CSMD1: variants seen among roughly 807,000 people sequenced by gnomAD.
CSMD1 encodes CUB and sushi domain-containing protein 1.
CSMD1 carries 213 observed loss-of-function variants against 417.5 expected under a neutral mutation model. That is an observed-to-expected ratio of 0.51 (90% CI 0.46 to 0.57). CSMD1 has a LOEUF of 0.57. Ranked by LOEUF, CSMD1 falls within the 20% of genes least tolerant of loss-of-function variation. The probability of loss-of-function intolerance (pLI) is 0.00; values close to 1 mark genes in which losing one functional copy is unlikely to be tolerated. For synonymous variants in CSMD1, 2,862 were observed against 1,736.8 expected (o/e 1.65, Z -16.11); for missense variants, 6,923 against 4,529.7 (o/e 1.53, Z -15.17).
intron 5 of CSMD1, among the ~76,000 whole-genome samples, chr8:3,766,125 C>A (rs1584963799): frequency 6.6e-6 from 1 of 152,158 alleles, no homozygotes; most frequent in African/African-American, 2.4e-5. Context: ...AGTCGAGAGA[C>A]AGTGGCCCTG....
At chr8:4,078,598 T>C (rs1799954875) in intron 3 of CSMD1, among the ~76,000 whole-genome samples, 1 of 150,378 alleles carries the variant, frequency 6.6e-6, no homozygotes, top group Non-Finnish European at 1.5e-5. Context: ...ATCTTCGTTA[T>C]GAAATATAAT....
intron 41 of CSMD1, among the ~76,000 whole-genome samples, chr8:3,122,755 C>T (rs1015007223): frequency 1.4e-5 from 2 of 138,020 alleles, no homozygotes; most frequent in African/African-American, 7.0e-5. Flanking sequence ...GCTCCCCCGA[C>T]CCCAGCCATG....
chr8:3,411,778 A>G (rs1780099820), intron 12 of CSMD1, among the ~76,000 whole-genome samples: 1 of 128,714 alleles, frequency 7.8e-6, no homozygotes, highest in Non-Finnish European at 1.6e-5. Context: ...ACGTGTGTAT[A>G]TACCTGTATA....
chr8:3,877,600 C>A (rs1481301518), intron 5 of CSMD1, among the ~76,000 whole-genome samples: 1 of 152,154 alleles, frequency 6.6e-6, no homozygotes, highest in African/African-American at 2.4e-5. Flanking sequence ...GATCTAACAA[C>A]CAGAATCCAC....
At position 4,052,549 on chromosome 8, in the gene CSMD1, T is replaced by C. The variant is rs184521042; in HGVS notation, c.416-20450A>G. Among the ~76,000 whole-genome samples, 443 of 152,196 alleles carry C rather than the reference T, an allele frequency of 2.9e-3. 2 individuals carry two copies. The highest frequency in any genetic ancestry group is 0.01 in the African/African-American group (425 of 41,518). On this transcript the variant is annotated intron_variant, in intron 3 of 69. Coordinates refer to ENST00000635120, the MANE Select transcript of CSMD1 (RefSeq NM_033225.6). ...TTGCTAGAACGTCAATGCACCAAAT[T>C]TGAGGAAGCAAGCTGAGAAAATCAC...
intron 11 of CSMD1, among the ~76,000 whole-genome samples, chr8:3,492,752 T>G (rs1005652178): frequency 1.3e-5 from 2 of 152,176 alleles, no homozygotes; most frequent in African/African-American, 4.8e-5. Flanking sequence ...TCTGCAAATA[T>G]TCACAGCAAG....
intron 1 of CSMD1, among the ~76,000 whole-genome samples, chr8:4,798,739 A>T (rs1798118551): frequency 6.6e-6 from 1 of 152,242 alleles, no homozygotes; most frequent in South Asian, 2.1e-4. Flanking sequence ...ACATTTATTA[A>T]TAGGTATGTA....
chr8:4,281,212 G>A (rs959717102), intron 3 of CSMD1, among the ~76,000 whole-genome samples: 4 of 152,122 alleles, frequency 2.6e-5, no homozygotes, highest in African/African-American at 7.2e-5. Flanking sequence ...TATAAAAGTG[G>A]AAAATACTTT....
chr8:3,692,523 C>A (rs1482553609), intron 7 of CSMD1, among the ~76,000 whole-genome samples: 1 of 151,936 alleles, frequency 6.6e-6, no homozygotes, highest in African/African-American at 2.4e-5. Context: ...CTCACTACAA[C>A]CTTCACATCC....
intron 3 of CSMD1, among the ~76,000 whole-genome samples, chr8:4,083,698 G>A (rs1482212135): frequency 6.6e-6 from 1 of 152,082 alleles, no homozygotes; most frequent in Non-Finnish European, 1.5e-5. Flanking sequence ...ATTCAAGATG[G>A]ATTAAAGACT....
chr8:4,748,159 A>T (rs1214022458), intron 1 of CSMD1, among the ~76,000 whole-genome samples: 1 of 152,204 alleles, frequency 6.6e-6, no homozygotes. Context: ...AACCCACAAC[A>T]TGTTTCTACT....
intron 3 of CSMD1, among the ~76,000 whole-genome samples, chr8:4,255,251 C>G (rs151107029): frequency 5.9e-5 from 9 of 152,198 alleles, no homozygotes; most frequent in African/African-American, 2.2e-4. Flanking sequence ...AAAATTTTAT[C>G]CAGTGAATAT....
chr8:3,968,365 T>A (rs898962216), intron 5 of CSMD1, among the ~76,000 whole-genome samples: 1 of 152,146 alleles, frequency 6.6e-6, no homozygotes, highest in South Asian at 2.1e-4. Flanking sequence ...GAATCCAACC[T>A]GGGCACCAGC....
chr8:3,426,253 C>T (rs1585147402), intron 12 of CSMD1, among the ~76,000 whole-genome samples: 1 of 152,182 alleles, frequency 6.6e-6, no homozygotes, highest in East Asian at 1.9e-4. Flanking sequence ...CTAAACGTTC[C>T]ATCCTGCACA....
Position 4,075,318 on chromosome 8 carries a change from C to A in CSMD1, c.416-43219G>T, listed in dbSNP as rs188938561. Among the ~76,000 whole-genome samples the A allele has an allele frequency of 1.2e-3, 184 of 151,978 alleles. 1 individual carries two copies. The East Asian group carries it at 0.025, about 21-fold the overall frequency. ...GTTTATGTAAATAAAAACATAAATA[C>A]CTTCACCTAAGAGAATATAGAGCTC... is the stretch of plus-strand genomic sequence containing the variant. On this transcript the variant is annotated intron_variant, in intron 3 of 69. Coordinates refer to ENST00000635120, the MANE Select transcript of CSMD1 (RefSeq NM_033225.6).
intron 3 of CSMD1, among the ~76,000 whole-genome samples, chr8:4,146,333 G>C (rs939684946): frequency 2.7e-5 from 4 of 150,884 alleles, no homozygotes; most frequent in East Asian, 1.9e-4. Context: ...TCCAAAGCAG[G>C]TGGATTCATT....
At chr8:3,380,833 A>G (rs2116770487) in intron 18 of CSMD1, among the ~76,000 whole-genome samples, 1 of 152,226 alleles carries the variant, frequency 6.6e-6, no homozygotes, top group East Asian at 1.9e-4. Context: ...TGGCGTGTGT[A>G]TACCTATGTA....
chr8:4,633,594 T>A (rs1008750205), intron 2 of CSMD1, among the ~76,000 whole-genome samples: 12 of 151,876 alleles, frequency 7.9e-5, no homozygotes, highest in Non-Finnish European at 1.5e-4. Context: ...TCTACCTCTG[T>A]CACCCAGGCT....
intron 12 of CSMD1, among the ~76,000 whole-genome samples, chr8:3,412,158 A>G (rs1167227321): frequency 8.9e-6 from 1 of 112,864 alleles, no homozygotes; most frequent in Non-Finnish European, 1.9e-5. Flanking sequence ...ATACACACGT[A>G]TATATACATA....
Sources: allele counts gnomAD v4.1 joint callset (sites outside exome capture counted in the v4.1 genomes callset), GRCh38; gene constraint gnomAD v4.1.1; transcripts MANE v1.5; gene names NCBI Gene and HGNC (gene_info 2026-07-23, HGNC 2026-07-21).